RERE: variants seen among roughly 807,000 people sequenced by gnomAD.
The protein encoded by RERE is arginine-glutamic acid dipeptide repeats protein.
A neutral mutation model predicts 146.1 loss-of-function variants in RERE; 40 were observed. The ratio of observed to expected loss-of-function variants is 0.27; its 90% confidence interval spans 0.21 to 0.36. RERE has a LOEUF of 0.36. Among genes scored for constraint, RERE ranks in the 10% least tolerant of loss-of-function variants. The pLI is 1.00. For missense variants in RERE, 1,933 were observed against 2,138.7 expected (o/e 0.90, Z 1.90); for synonymous variants, 1,003 against 866.0 (o/e 1.16, Z -2.78).
intron 11 of RERE, among the ~76,000 whole-genome samples, chr1:8,436,861 C>T (rs1398633326): frequency 1.3e-5 from 2 of 152,198 alleles, no homozygotes; most frequent in Admixed American, 6.5e-5. Context: ...CGTGCATCTA[C>T]ACTTGGGCCA....
intron 4 of RERE, among the ~76,000 whole-genome samples, chr1:8,571,371 T>C (rs969870691): frequency 6.6e-6 from 1 of 152,228 alleles, no homozygotes; most frequent in East Asian, 1.9e-4. Flanking sequence ...ACCCTGAGTG[T>C]AGAGTTGGTA....
intron 11 of RERE, among the ~76,000 whole-genome samples, chr1:8,435,109 C>T (rs1644150654): frequency 6.6e-6 from 1 of 152,226 alleles, no homozygotes; most frequent in South Asian, 2.1e-4. Flanking sequence ...AAAACTTTAA[C>T]CTGTTAGTCA....
chr1:8,510,113 G>A (rs1383621722), intron 7 of RERE, among the ~76,000 whole-genome samples: 1 of 152,074 alleles, frequency 6.6e-6, no homozygotes, highest in African/African-American at 2.4e-5. Flanking sequence ...AGAAGAGGAA[G>A]AAGAAGAAAT....
chr1:8,355,939 G>A (rs1557580425), intron 21 of RERE, among the ~76,000 whole-genome samples, 161 bp downstream of exon 21: 1 of 152,140 alleles, frequency 6.6e-6, no homozygotes, highest in Non-Finnish European at 1.5e-5. Context: ...GCCCCCAGAG[G>A]GCAGGAGGCT....
intron 7 of RERE, among the ~76,000 whole-genome samples, chr1:8,533,952 C>A (rs192467456): frequency 3.0e-4 from 45 of 152,250 alleles, no homozygotes; most frequent in African/African-American, 1.0e-3. Context: ...GCTTTGTTTT[C>A]CAAAAATACA....
intron 11 of RERE, chr1:8,464,950 C>A (rs770587291): frequency 3.9e-5 from 6 of 152,140 alleles, no homozygotes; most frequent in Non-Finnish European, 7.3e-5. Flanking sequence ...AATGAAAGAG[C>A]GGGATCAGGA....
intron 1 of RERE, among the ~76,000 whole-genome samples, chr1:8,801,794 T>C (rs1230996604): frequency 1.3e-5 from 2 of 152,186 alleles, no homozygotes; most frequent in Non-Finnish European, 2.9e-5. Flanking sequence ...TAAGAGCTTA[T>C]CCTATACACA....
intron 4 of RERE, among the ~76,000 whole-genome samples, chr1:8,566,680 G>A (rs748616617): frequency 6.6e-6 from 1 of 152,084 alleles, no homozygotes; most frequent in Non-Finnish European, 1.5e-5. Flanking sequence ...ACAGAATCCT[G>A]TTGGTGGTAA....
At chr1:8,594,658 A>C (rs4908767) in intron 4 of RERE, among the ~76,000 whole-genome samples, 128,623 of 152,190 alleles carry the variant, frequency 0.85, 54,626 homozygotes, top group East Asian at 0.95. Flanking sequence ...TAAATACAAT[A>C]TATTAATAAA....
At chr1:8,475,613 CG>C (rs927448734) in intron 10 of RERE, among the ~76,000 whole-genome samples, 1 of 150,378 alleles carries the variant, frequency 6.6e-6, no homozygotes, top group African/African-American at 2.5e-5. Flanking sequence ...ACCCAGGAGG[CG>C]GAAGTTGCAG....
At chr1:8,491,731 G>A (rs938558065) in intron 10 of RERE, among the ~76,000 whole-genome samples, 7 of 152,164 alleles carry the variant, frequency 4.6e-5, no homozygotes, top group African/African-American at 1.7e-4. Flanking sequence ...ACTCCTACTG[G>A]ATGTTCAACA....
At position 8,547,968 on chromosome 1, in the gene RERE, CAA is replaced by C. The variant is rs538448374; in HGVS notation, c.726-6652_726-6651del. On this transcript the variant is annotated intron_variant, in intron 6 of 22. Transcript: ENST00000400908. ...TAGGAACAACGTAAATGCTCATGCACAAGAGAGCAGTTATATCAACTACAGTA... is the reference window on the plus strand; with the variant it reads ...TAGGAACAACGTAAATGCTCATGCACGAGAGCAGTTATATCAACTACAGTA... 1.2e-3 allele frequency among the ~76,000 whole-genome samples: 180 copies of C among 152,176 alleles called. 2 individuals carry two copies. The highest frequency in any genetic ancestry group is 4.1e-3 in the African/African-American group (169 of 41,520).
rs1021579620 is a variant in RERE, at chr1:8,356,636, C to T, written c.4340-390G>A. Reference sequence around the variant, plus strand: ...TGCGCCAGTGGGTGTTGGGCTGGCACCCCCTGCCCAGGGCTGTCTCCCTGC... The same window carrying T: ...TGCGCCAGTGGGTGTTGGGCTGGCATCCCCTGCCCAGGGCTGTCTCCCTGC... On this transcript the variant is annotated intron_variant, in intron 20 of 22. Transcript: ENST00000400908. This position sits in a 1 kb window ranked among gnomAD's most constrained non-coding sequence, Gnocchi z 5.2. Among the ~76,000 whole-genome samples, 19 of 152,190 alleles carry T rather than the reference C, an allele frequency of 1.2e-4. No homozygotes were observed. The highest frequency in any genetic ancestry group is 3.6e-4 in the African/African-American group (15 of 41,448).
chr1:8,607,743 T>TTTTTTTA (rs1646739291), intron 4 of RERE, among the ~76,000 whole-genome samples: 1 of 146,546 alleles, frequency 6.8e-6, no homozygotes, highest in African/African-American at 2.5e-5. Flanking sequence ...TTTTTTTTTT[T>TTTTTTTA]GAGATGGAGT....
At chr1:8,366,610 C>A (rs1641812110) in intron 12 of RERE, among the ~76,000 whole-genome samples, 1 of 152,160 alleles carries the variant, frequency 6.6e-6, no homozygotes, top group Non-Finnish European at 1.5e-5. Context: ...GACATGCCGG[C>A]ACGACGTCCA....
At chr1:8,705,971 C>T (rs1222940140) in intron 1 of RERE, among the ~76,000 whole-genome samples, 1 of 151,810 alleles carries the variant, frequency 6.6e-6, no homozygotes, top group East Asian at 1.9e-4. Context: ...AAAAAATTAG[C>T]CGGGCGTGGT....
intron 6 of RERE, among the ~76,000 whole-genome samples, chr1:8,544,236 G>T (rs971206443): frequency 3.3e-5 from 5 of 152,218 alleles, no homozygotes; most frequent in Admixed American, 6.5e-5. Flanking sequence ...TTTAAACAAG[G>T]TATTAAATTT....
chr1:8,510,489 G>T (rs1295002142), intron 7 of RERE, among the ~76,000 whole-genome samples: 1 of 152,180 alleles, frequency 6.6e-6, no homozygotes, highest in Non-Finnish European at 1.5e-5. Context: ...GAAGCTAAAA[G>T]ATGGATTGTT....
chr1:8,708,523 C>T, intron 1 of RERE, among the ~76,000 whole-genome samples: 1 of 152,090 alleles, frequency 6.6e-6, no homozygotes, highest in Non-Finnish European at 1.5e-5. Flanking sequence ...GATAGGGTTT[C>T]ACCATGTTGG....
Sources: gnomAD v4.1 joint callset for allele counts (sites outside exome capture counted in the v4.1 genomes callset) on GRCh38, gnomAD v4.1.1 for gene constraint, Gnocchi (gnomAD v3.1) non-coding constraint, MANE v1.5 for transcripts, NCBI Gene and HGNC (gene_info 2026-07-23, HGNC 2026-07-21) for gene names.